Variants in EIF1B observed in about 807,000 individuals in gnomAD.
EIF1B encodes eukaryotic translation initiation factor 1B.
A neutral mutation model predicts 14.8 loss-of-function variants in EIF1B; 5 were observed. That is an observed-to-expected ratio of 0.34 (90% CI 0.18 to 0.71). The LOEUF (loss-of-function observed/expected upper bound fraction) is 0.71. EIF1B is among the 30% of genes least tolerant of loss of function. EIF1B has a pLI of 0.64. For missense variants in EIF1B, 56 were observed against 134.0 expected (o/e 0.42, Z 2.87); for synonymous variants, 45 against 45.8 (o/e 0.98, Z 0.07).
chr3:40,311,504 C>G lies in EIF1B; in HGVS notation c.230C>G (p.Pro77Arg). The part of the protein sequence containing the change: ...FACNGTVIEH[P>R]EYGEVIQLQG... The stretch of plus-strand genomic sequence containing the variant: ...TGTAATGGTACTGTGATTGAACATC[C>G]TGAATACGGAGAGGTTATTCAGCTT... The change falls in exon 3 of 4, where the codon CCT (proline) becomes CGT (arginine). Residue 77 changes from proline (P) to arginine (R), a missense_variant. Pro to Arg is a moderately radical substitution (Grantham distance 103). Transcript: ENST00000232905. 6.2e-7 allele frequency: 1 copy of G among 1,613,726 alleles called. No individual in the cohort carries two copies. Among genetic ancestry groups the G allele is most frequent in the Non-Finnish European group, 8.5e-7 (1 of 1,179,820 alleles).
At chr3:40,310,701 T>C (rs1954315061) in intron 1 of EIF1B, 192 bp from the exon 2 acceptor site, 5 of 507,790 alleles carry the variant, frequency 9.8e-6, no homozygotes, top group Non-Finnish European at 1.7e-5. Context: ...AATGTTTCTC[T>C]TTTTGTGAGA....
chr3:40,311,928 A>C, intron 3 of EIF1B, 42 bp from the exon 4 acceptor site: 1 of 1,375,792 alleles, frequency 7.3e-7, no homozygotes, highest in Non-Finnish European at 1.0e-6. Flanking sequence ...GAATTTTTAT[A>C]TTTCTCAGAG....
intron 1 of EIF1B, 72 bp from the exon 2 acceptor site, chr3:40,310,821 T>C: frequency 7.0e-7 from 1 of 1,438,260 alleles, no homozygotes; most frequent in East Asian, 2.5e-5. Context: ...TAGTATAATG[T>C]ATTTCTGGAA....
At chr3:40,310,850 T>C in intron 1 of EIF1B, 43 bp from the exon 2 acceptor site, 1 of 1,521,648 alleles carries the variant, frequency 6.6e-7, no homozygotes, top group Non-Finnish European at 8.8e-7. Context: ...TTAAAAAATA[T>C]TTTTCTACTT....
At position 40,311,539 on chromosome 3, in the gene EIF1B, C is replaced by G. The variant is rs1171809850; in HGVS notation, c.265C>G (p.Gln89Glu). Residue 89 changes from glutamine (Q) to glutamate (E), a missense_variant, in exon 3 of 4, where the codon CAA (glutamine) becomes GAA (glutamate). By Grantham distance (29) the Gln-to-Glu change is conservative. Coordinates refer to ENST00000232905, the MANE Select transcript of EIF1B (RefSeq NM_005875.3). ...AGAGGTTATTCAGCTTCAAGGTGAC[C>G]AAAGAAAAAACATCTGCCAGTTTCT... ...YGEVIQLQGD[Q>E]RKNICQFLLE... 6.2e-7 allele frequency: 1 copy of G among 1,613,342 alleles called. No individual in the cohort carries two copies. The highest frequency in any genetic ancestry group is 8.5e-7 in the Non-Finnish European group (1 of 1,179,632).
At chr3:40,311,143 G>C in intron 2 of EIF1B, 87 bp downstream of exon 2, 1 of 1,323,060 alleles carries the variant, frequency 7.6e-7, no homozygotes, top group East Asian at 2.4e-5. Flanking sequence ...CGGCGTGGAT[G>C]AAAATAACTA....
Position 40,312,237 on chromosome 3 carries a change from A to G in EIF1B, c.*223A>G, listed in dbSNP as rs1415237060. On this transcript the variant is annotated 3_prime_UTR_variant, in exon 4 of 4. Coordinates refer to ENST00000232905, the MANE Select transcript of EIF1B (RefSeq NM_005875.3). ...TAACAAAACCTCATATTGTCTTTACATGTTTCCAATGGAAAATGTTTTGAG... is the reference window on the plus strand; with the variant it reads ...TAACAAAACCTCATATTGTCTTTACGTGTTTCCAATGGAAAATGTTTTGAG... 2 of 485,356 alleles carry G rather than the reference A, an allele frequency of 4.1e-6. No homozygotes were observed. Among genetic ancestry groups the G allele is most frequent in the African/African-American group, 2.0e-5 (1 of 50,420 alleles). 30.1% of individuals were successfully genotyped at this position (485,356 alleles called of 1,614,324 possible).
At chr3:40,310,257 G>A (rs1954307429) in intron 1 of EIF1B, among the ~76,000 whole-genome samples, 2 of 152,178 alleles carry the variant, frequency 1.3e-5, no homozygotes, top group Admixed American at 6.5e-5. Context: ...TTGAAACCTT[G>A]GCGATCCTAT....
In EIF1B at chr3:40,312,252, A is replaced by G. The variant is rs767287975; in HGVS notation, c.*238A>G. On this transcript the variant is annotated 3_prime_UTR_variant, in exon 4 of 4. Coordinates refer to ENST00000232905, the MANE Select transcript of EIF1B (RefSeq NM_005875.3). The stretch of plus-strand genomic sequence containing the variant: ...TTGTCTTTACATGTTTCCAATGGAA[A>G]ATGTTTTGAGTGTTTATTGTTCAGT... The G allele has an allele frequency of 2.2e-6, 1 of 459,630 alleles. No homozygotes were observed. Among genetic ancestry groups the G allele is most frequent in the Non-Finnish European group, 3.8e-6 (1 of 261,226 alleles). 28.5% of individuals were successfully genotyped at this position (459,630 alleles called of 1,614,324 possible). A position where few individuals can be genotyped will look rare whatever the true frequency, so the allele number is the denominator to read the frequency against.
intron 3 of EIF1B, 66 bp from the exon 4 acceptor site, chr3:40,311,904 C>T: frequency 8.1e-7 from 1 of 1,240,166 alleles, no homozygotes; most frequent in Non-Finnish European, 1.2e-6. Flanking sequence ...ATTACTCTTC[C>T]ATGTTTTCTT....
chr3:40,309,916 C>T lies in EIF1B; in HGVS notation c.-26C>T, dbSNP rs1296108303. The T allele has an allele frequency of 3.1e-6, 5 of 1,613,732 alleles. No homozygotes were observed. The East Asian group carries it at 6.7e-5, about 22-fold the overall frequency. ...GGCGGGCCCCGCAGGAATTTTATCC[C>T]CTCACCGGCCTCACACTAGTATCGC... On this transcript the variant is annotated 5_prime_UTR_variant, in exon 1 of 4. Coordinates refer to ENST00000232905, the MANE Select transcript of EIF1B (RefSeq NM_005875.3).
intron 2 of EIF1B, 124 bp downstream of exon 2, chr3:40,311,180 T>A: frequency 1.1e-6 from 1 of 913,070 alleles, no homozygotes; most frequent in Non-Finnish European, 1.6e-6. Flanking sequence ...CTCATTTTTG[T>A]AATTAACATG....
chr3:40,310,636 A>G (rs1954313988), intron 1 of EIF1B: 2 of 318,936 alleles, frequency 6.3e-6, no homozygotes. Context: ...ACCATATTGA[A>G]CGATAACATT....
At position 40,310,995 on chromosome 3, in the gene EIF1B, C is replaced by G; in HGVS notation, c.134C>G (p.Thr45Ser). 1 of 1,613,910 alleles carries G rather than the reference C, an allele frequency of 6.2e-7. No homozygotes were observed. Among genetic ancestry groups the G allele is most frequent in the Non-Finnish European group, 8.5e-7 (1 of 1,179,996 alleles). ...IQQRNGRKTL[T>S]TVQGIADDYD... ...CAACGGAACGGCAGAAAGACACTGA[C>G]TACTGTTCAGGGCATTGCAGATGAT... The change falls in exon 2 of 4, where the codon ACT becomes AGT. Residue 45 changes from threonine to serine, a missense_variant. Around this residue, in one of 3 missense-constraint regions of EIF1B, gnomAD observed 35 missense variants for 82.9 expected, o/e 0.42. Transcript: ENST00000232905.
Position 40,309,820 on chromosome 3 carries a change from A to AC in EIF1B, c.-118dup. The AC allele has an allele frequency of 8.0e-7, 1 of 1,253,272 alleles. No homozygotes were observed. Among genetic ancestry groups the AC allele is most frequent in the Middle Eastern group, 1.9e-4 (1 of 5,236 alleles). 77.6% of individuals were successfully genotyped at this position (1,253,272 alleles called of 1,614,324 possible). A position where few individuals can be genotyped will look rare whatever the true frequency, so the allele number is the denominator to read the frequency against. On this transcript the variant is annotated 5_prime_UTR_variant, in exon 1 of 4. Transcript: ENST00000232905. ...CCGCCGCCACTCCAGCCTAATCCCA[A>AC]CCCCAGGGCGAAGCGTTTTCTTATT...
rs1370438857 is a variant in EIF1B, at chr3:40,309,789, C to A, written c.-153C>A. On this transcript the variant is annotated 5_prime_UTR_variant, in exon 1 of 4. Transcript: ENST00000232905. ...TTCGCCTCTTCCTGCCTCCTCCCGG[C>A]TTCCGCCGCCGCCACTCCAGCCTAA... The A allele has an allele frequency of 3.5e-6, 3 of 864,770 alleles. No individual in the cohort carries two copies. The highest frequency in any genetic ancestry group is 2.2e-5 in the Admixed American group (1 of 44,962). The allele number at this position is 864,770 out of a possible 1,614,324, so 53.6% of individuals were successfully genotyped here.
In EIF1B at chr3:40,312,053, TG is replaced by T. The variant is rs1372281201; in HGVS notation, c.*40del. On this transcript the variant is annotated 3_prime_UTR_variant, in exon 4 of 4. Coordinates refer to ENST00000232905, the MANE Select transcript of EIF1B (RefSeq NM_005875.3). ...ACGTGGAGAATTTCTTGAATAGTTT[TG>T]TTCTCTAAACCCGGTTTGGCTGCCT... The T allele has an allele frequency of 8.6e-6, 13 of 1,513,712 alleles. No homozygotes were observed. Among genetic ancestry groups the T allele is most frequent in the Non-Finnish European group, 1.2e-5 (13 of 1,091,876 alleles). The allele number at this position is 1,513,712 out of a possible 1,614,324, so 93.8% of individuals were successfully genotyped here.
chr3:40,311,122 C>T, intron 2 of EIF1B, 66 bp downstream of exon 2: 2 of 1,464,834 alleles, frequency 1.4e-6, no homozygotes, highest in Non-Finnish European at 9.3e-7. Flanking sequence ...TTATGATTCA[C>T]ACCTTTATAT....
chr3:40,310,121 G>C, intron 1 of EIF1B, 149 bp downstream of exon 1: 1 of 1,124,146 alleles, frequency 8.9e-7, no homozygotes, highest in East Asian at 2.4e-5. Flanking sequence ...TGGCGACGGG[G>C]CCCCTGGCGA....
Sources: allele counts gnomAD v4.1 joint callset (sites outside exome capture counted in the v4.1 genomes callset), GRCh38; gene constraint gnomAD v4.1.1; regional missense constraint gnomAD v4.1.1; transcripts MANE v1.5; gene names NCBI Gene and HGNC (gene_info 2026-07-23, HGNC 2026-07-21).